Variants in ANKRD28 observed in about 807,000 individuals in gnomAD.
ANKRD28 encodes ankyrin repeat domain 28, also known as serine/threonine-protein phosphatase 6 regulatory ankyrin repeat subunit A.
In ANKRD28, 44 loss-of-function variants were observed where a neutral mutation model predicts 126.5. That is an observed-to-expected ratio of 0.35 (90% CI 0.27 to 0.45). The LOEUF (loss-of-function observed/expected upper bound fraction) is 0.45, where lower values mean the gene tolerates loss of function less well. ANKRD28 is among the 20% of genes least tolerant of loss of function. The pLI is 1.00. For synonymous variants in ANKRD28, 442 were observed against 468.5 expected (o/e 0.94, Z 0.73); for missense variants, 1,110 against 1,316.6 (o/e 0.84, Z 2.43).
intron 27 of ANKRD28, among the ~76,000 whole-genome samples, chr3:15,672,383 C>T (rs2066466304): frequency 1.3e-5 from 2 of 152,124 alleles, no homozygotes; most frequent in African/African-American, 4.8e-5. Context: ...TTTAAGTGAT[C>T]TTCCCGCCTC....
chr3:15,850,190 T>TAAA (rs1238069051), intron 1 of ANKRD28, among the ~76,000 whole-genome samples: 451 of 31,796 alleles, frequency 0.014, 17 homozygotes, highest in African/African-American at 0.025. Context: ...CTACATGCAA[T>TAAA]AAAAAAAAAA....
chr3:15,712,290 T>C (rs1295418887), intron 10 of ANKRD28, 68 bp from the exon 11 acceptor site: 1 of 1,234,792 alleles, frequency 8.1e-7, no homozygotes, highest in Non-Finnish European at 1.2e-6. Context: ...TTAAATACAT[T>C]ACAAAGAGAC....
At chr3:15,775,040 C>T (rs192353042) in intron 2 of ANKRD28, among the ~76,000 whole-genome samples, 118 of 117,148 alleles carry the variant, frequency 1.0e-3, no homozygotes, top group African/African-American at 3.9e-3. Flanking sequence ...CCACGCCTGG[C>T]TAACTTTTGT....
At chr3:15,717,700 T>C (rs1012756288) in intron 8 of ANKRD28, among the ~76,000 whole-genome samples, 12 of 152,150 alleles carry the variant, frequency 7.9e-5, no homozygotes, top group African/African-American at 2.9e-4. Context: ...CAAAATCTAT[T>C]CTTAAAGAAC....
rs776901788 is a variant in ANKRD28 at position 15,670,237 on chromosome 3, CT to C, written c.*32del. The C allele has an allele frequency of 1.9e-5, 30 of 1,602,106 alleles. No individual in the cohort carries two copies. In the African/African-American group the frequency reaches 3.5e-4, roughly 19 times the overall value. On this transcript the variant is annotated 3_prime_UTR_variant, in exon 28 of 28. Transcript: ENST00000683139. ...TTTCCTGAAAAAGCACAGTTTGAAG[CT>C]TTACTGTGAGAACTCCCTCCTCCTC...
At chr3:15,857,200 G>A (rs1004385887) in intron 1 of ANKRD28, among the ~76,000 whole-genome samples, 4 of 152,148 alleles carry the variant, frequency 2.6e-5, no homozygotes, top group Non-Finnish European at 5.9e-5. Context: ...AGTCTTCCAA[G>A]AGAGACCAGA....
chr3:15,823,400 G>A (rs2060987327), intron 1 of ANKRD28, among the ~76,000 whole-genome samples: 1 of 152,104 alleles, frequency 6.6e-6, no homozygotes, highest in Non-Finnish European at 1.5e-5. Context: ...TAAAGAGATT[G>A]AATAAAGAAT....
chr3:15,780,857 T>C (rs184935768), intron 2 of ANKRD28, among the ~76,000 whole-genome samples: 5 of 152,294 alleles, frequency 3.3e-5, no homozygotes, highest in Admixed American at 2.6e-4. Flanking sequence ...TTAGGAAAAC[T>C]GGATATCCAG....
chr3:15,838,912 T>C lies in ANKRD28; in HGVS notation c.27+20465A>G, dbSNP rs1264116067. On this transcript the variant is annotated intron_variant, in intron 1 of 27. Transcript: ENST00000399451. The surrounding 1 kb of genome is among the most constrained non-coding windows in gnomAD (Gnocchi z 4.0). ...AACAATATGTGATATATCCATACAA[T>C]GGAATACTATTCAGCAACGAAGAAC... 1.3e-5 allele frequency among the ~76,000 whole-genome samples: 2 copies of C among 152,048 alleles called. No individual in the cohort carries two copies. The highest frequency in any genetic ancestry group is 2.9e-5 in the Non-Finnish European group (2 of 68,032).
chr3:15,795,521 A>G (rs1489642779), intron 1 of ANKRD28, among the ~76,000 whole-genome samples: 1 of 152,070 alleles, frequency 6.6e-6, no homozygotes, highest in East Asian at 1.9e-4. Context: ...ATTCAGTTTG[A>G]CCCAATTTAG....
At chr3:15,678,178 G>C in intron 24 of ANKRD28, 31 bp downstream of exon 24, 2 of 1,577,338 alleles carry the variant, frequency 1.3e-6, no homozygotes, top group East Asian at 2.3e-5. Flanking sequence ...CACATACTTA[G>C]GAAAATACAA....
Position 15,843,621 on chromosome 3 carries a change from T to C in ANKRD28, c.27+15756A>G, listed in dbSNP as rs1476646953. ...AAAGAGAGAGAGGCAGAAATTAAAG[T>C]GTAGAAATAAAACAATTTACAATAA... On this transcript the variant is annotated intron_variant, in intron 1 of 27. Coordinates refer to the ANKRD28 transcript ENST00000399451. This position sits in a 1 kb window ranked among gnomAD's most constrained non-coding sequence, Gnocchi z 5.2. Among the ~76,000 whole-genome samples the C allele has an allele frequency of 6.6e-6, 1 of 151,202 alleles. No homozygotes were observed. The highest frequency in any genetic ancestry group is 1.5e-5 in the Non-Finnish European group (1 of 67,760).
intron 4 of ANKRD28, among the ~76,000 whole-genome samples, chr3:15,741,304 A>G (rs1421495569): frequency 6.6e-6 from 1 of 152,240 alleles, no homozygotes; most frequent in Non-Finnish European, 1.5e-5. Flanking sequence ...AGACATTAAA[A>G]AAGAAGAGGT....
chr3:15,720,251 T>C (rs1334834093), intron 8 of ANKRD28, among the ~76,000 whole-genome samples: 1 of 152,148 alleles, frequency 6.6e-6, no homozygotes, highest in Non-Finnish European at 1.5e-5. Flanking sequence ...ATTCCTTATG[T>C]GCAACACACT....
chr3:15,824,567 T>A (rs1015687665), intron 1 of ANKRD28, among the ~76,000 whole-genome samples: 2 of 151,974 alleles, frequency 1.3e-5, no homozygotes, highest in Non-Finnish European at 2.9e-5. Context: ...CAATGAACAA[T>A]CCAAAAATAA....
chr3:15,693,093 T>C (rs1479221031), intron 17 of ANKRD28, among the ~76,000 whole-genome samples: 1 of 152,102 alleles, frequency 6.6e-6, no homozygotes, highest in African/African-American at 2.4e-5. Context: ...TACCAGGGAC[T>C]GGGGAAAGGA....
rs1273311040 is a variant in ANKRD28, at chr3:15,818,534, A to T, written c.28-23228T>A. On this transcript the variant is annotated intron_variant, in intron 1 of 27. Transcript: ENST00000399451. ...ACACATCTAGTCCCAAGCATTTCAG[A>T]CTAGGAATACTCAACCTGTACATAC... Among the ~76,000 whole-genome samples, 4 of 152,218 alleles carry T rather than the reference A, an allele frequency of 2.6e-5. No individual in the cohort carries two copies. The East Asian group carries it at 7.7e-4, about 29-fold the overall frequency.
In ANKRD28 at chr3:15,690,068, T is replaced by G. The variant is rs769253725; in HGVS notation, c.1914A>C (p.Ser638=). ...TCAAAATGTAATCTTTTACTAAGATTGAGGCTCCCTGATTAATGAGTACAT... is the reference window on the plus strand; with the variant it reads ...TCAAAATGTAATCTTTTACTAAGATGGAGGCTCCCTGATTAATGAGTACAT... ...CVDVLINQGA[S]ILVKDYILKR... is the part of the protein sequence containing the mutation. The change falls in exon 18 of 28, where the codon TCA becomes TCC. Residue 638 remains serine, a synonymous_variant. Coordinates refer to ENST00000683139, the MANE Select transcript of ANKRD28 (RefSeq NM_001349278.2). 1 of 1,612,338 alleles carries G rather than the reference T, an allele frequency of 6.2e-7. No individual in the cohort carries two copies. Among genetic ancestry groups the G allele is most frequent in the South Asian group, 1.1e-5 (1 of 90,588 alleles).
At chr3:15,725,646 CA>C (rs2074100902) in intron 6 of ANKRD28, among the ~76,000 whole-genome samples, 1 of 152,114 alleles carries the variant, frequency 6.6e-6, no homozygotes, top group South Asian at 2.1e-4. Flanking sequence ...GCCAATATTT[CA>C]AACTTTTTCA....
Sources: allele counts gnomAD v4.1 joint callset (sites outside exome capture counted in the v4.1 genomes callset), GRCh38; gene constraint gnomAD v4.1.1; non-coding constraint Gnocchi (gnomAD v3.1); transcripts MANE v1.5; gene names NCBI Gene and HGNC (gene_info 2026-07-23, HGNC 2026-07-21).